Variants in ST6GALNAC3 observed in about 807,000 individuals in gnomAD.
ST6GALNAC3 encodes the protein alpha-N-acetylgalactosaminide alpha-2,6-sialyltransferase 3.
A neutral mutation model predicts 32.7 loss-of-function variants in ST6GALNAC3; 25 were observed. The observed-to-expected ratio is 0.76, with a 90% CI of 0.56 to 1.07. The LOEUF (loss-of-function observed/expected upper bound fraction) is 1.07. Among genes scored for constraint, ST6GALNAC3 ranks in the 50% least tolerant of loss-of-function variants. The pLI is 0.00. For missense variants in ST6GALNAC3, 355 were observed against 382.4 expected (o/e 0.93, Z 0.60); for synonymous variants, 129 against 133.1 (o/e 0.97, Z 0.21).
chr1:76,429,451 T>C (rs1655605125), intron 3 of ST6GALNAC3, among the ~76,000 whole-genome samples: 1 of 152,176 alleles, frequency 6.6e-6, no homozygotes, highest in Non-Finnish European at 1.5e-5. Context: ...ATCTATATCA[T>C]AATATCAAGA....
At chr1:76,515,655 G>T (rs190558262) in intron 3 of ST6GALNAC3, among the ~76,000 whole-genome samples, 1 of 151,930 alleles carries the variant, frequency 6.6e-6, no homozygotes. Flanking sequence ...TTTCCCTTTC[G>T]TCTACTTACC....
chr1:76,259,717 C>T (rs1339771149), intron 1 of ST6GALNAC3, among the ~76,000 whole-genome samples: 3 of 152,110 alleles, frequency 2.0e-5, no homozygotes, highest in Admixed American at 2.0e-4. Context: ...TATATAAATG[C>T]TAGTGCTGAG....
At chr1:76,237,436 A>G (rs954309147) in intron 1 of ST6GALNAC3, among the ~76,000 whole-genome samples, 5 of 152,178 alleles carry the variant, frequency 3.3e-5, no homozygotes, top group Admixed American at 6.5e-5. Flanking sequence ...TCTTTAATGC[A>G]GTGAGAGGAG....
intron 3 of ST6GALNAC3, among the ~76,000 whole-genome samples, chr1:76,526,985 A>C (rs929629709): frequency 1.3e-5 from 2 of 152,126 alleles, no homozygotes; most frequent in African/African-American, 4.8e-5. Context: ...AATGGGTAGA[A>C]AATGAGATAC....
intron 1 of ST6GALNAC3, among the ~76,000 whole-genome samples, chr1:76,155,545 G>A (rs1005048024): frequency 6.6e-6 from 1 of 152,014 alleles, no homozygotes; most frequent in African/African-American, 2.4e-5. Flanking sequence ...TCGGCTCACT[G>A]CAAGCTCCGC....
At chr1:76,614,348 C>G (rs1648135965) in intron 3 of ST6GALNAC3, among the ~76,000 whole-genome samples, 1 of 152,182 alleles carries the variant, frequency 6.6e-6, no homozygotes, top group Non-Finnish European at 1.5e-5. Context: ...AATTCTCAAA[C>G]CTAACTACCA....
chr1:76,399,175 T>C (rs1047503535), intron 2 of ST6GALNAC3, among the ~76,000 whole-genome samples: 50 of 152,322 alleles, frequency 3.3e-4, no homozygotes, highest in Non-Finnish European at 4.3e-4. Flanking sequence ...TAATGTCTTT[T>C]GAGGGATAGT....
chr1:76,215,540 T>C (rs1270779021), intron 1 of ST6GALNAC3, among the ~76,000 whole-genome samples: 2 of 152,174 alleles, frequency 1.3e-5, no homozygotes, highest in African/African-American at 2.4e-5. Context: ...TGGTTTAGGC[T>C]GAGGGAGGTC....
chr1:76,362,682 C>T (rs1650060527), intron 2 of ST6GALNAC3, among the ~76,000 whole-genome samples: 1 of 152,238 alleles, frequency 6.6e-6, no homozygotes, highest in Admixed American at 6.5e-5. Flanking sequence ...CAGGCAAGTC[C>T]TAAACCCAAC....
At chr1:76,326,930 C>A (rs1647085296) in intron 2 of ST6GALNAC3, among the ~76,000 whole-genome samples, 1 of 146,942 alleles carries the variant, frequency 6.8e-6, no homozygotes, top group Non-Finnish European at 1.5e-5. Flanking sequence ...TAGAGCTTAT[C>A]AAACAATAGT....
chr1:76,241,214 T>G (rs925118184), intron 1 of ST6GALNAC3, among the ~76,000 whole-genome samples: 9 of 152,216 alleles, frequency 5.9e-5, no homozygotes, highest in African/African-American at 2.2e-4. Context: ...TTTCTTAGTC[T>G]GTTTTGTGTT....
At chr1:76,542,709 A>G (rs540436783) in intron 3 of ST6GALNAC3, among the ~76,000 whole-genome samples, 1 of 152,304 alleles carries the variant, frequency 6.6e-6, no homozygotes, top group African/African-American at 2.4e-5. Context: ...AATTTTTCCA[A>G]TAATATCCAT....
intron 1 of ST6GALNAC3, among the ~76,000 whole-genome samples, chr1:76,195,458 A>T (rs988403849): frequency 6.6e-6 from 1 of 152,222 alleles, no homozygotes; most frequent in Non-Finnish European, 1.5e-5. Context: ...AATAAAATTA[A>T]TAATTCTTAC....
rs375288894 is a variant in ST6GALNAC3 at position 76,369,189 on chromosome 1, G to A, written c.214-42819G>A. 5.3e-5 allele frequency among the ~76,000 whole-genome samples: 8 copies of A among 152,044 alleles called. No individual in the cohort carries two copies. In the South Asian group the frequency reaches 6.2e-4, roughly 12 times the overall value. The stretch of plus-strand genomic sequence containing the variant: ...TTTGTTACTGGGTCTAAAATGTTGG[G>A]CTCAGTTCTTGGGAAGACTTACTTC... On this transcript the variant is annotated intron_variant, in intron 2 of 4. Coordinates refer to ENST00000328299, the MANE Select transcript of ST6GALNAC3 (RefSeq NM_152996.4).
At position 76,080,034 on chromosome 1, in the gene ST6GALNAC3, A is replaced by G. The variant is rs77299629; in HGVS notation, c.18+5150A>G. Among the ~76,000 whole-genome samples the G allele has an allele frequency of 2.5e-3, 382 of 152,336 alleles. 1 individual carries two copies. The highest frequency in any genetic ancestry group is 7.8e-3 in the African/African-American group (326 of 41,580). ...CTTCCAGTGTTTACTGAGCATCTGT[A>G]ATTGAGTTCTGTTCTTACCCTAAGT... is the stretch of plus-strand genomic sequence containing the variant. On this transcript the variant is annotated intron_variant, in intron 1 of 4. Coordinates refer to ENST00000328299, the MANE Select transcript of ST6GALNAC3 (RefSeq NM_152996.4).
At chr1:76,421,516 C>T (rs1428831307) in intron 3 of ST6GALNAC3, among the ~76,000 whole-genome samples, 1 of 152,004 alleles carries the variant, frequency 6.6e-6, no homozygotes, top group African/African-American at 2.4e-5. Context: ...CAAAGTTATA[C>T]TCTTGGGCTT....
At chr1:76,163,240 A>G (rs569985514) in intron 1 of ST6GALNAC3, among the ~76,000 whole-genome samples, 8 of 152,348 alleles carry the variant, frequency 5.3e-5, no homozygotes, top group Admixed American at 3.3e-4. Context: ...TTGAAGTTTT[A>G]TGTATCTTTC....
At chr1:76,222,219 A>G (rs1655815312) in intron 1 of ST6GALNAC3, among the ~76,000 whole-genome samples, 8 of 152,164 alleles carry the variant, frequency 5.3e-5, no homozygotes, top group Admixed American at 5.2e-4. Flanking sequence ...CAGAATAGTG[A>G]AGCTGGACCC....
chr1:76,510,657 T>C (rs1006200756), intron 3 of ST6GALNAC3, among the ~76,000 whole-genome samples: 1 of 152,204 alleles, frequency 6.6e-6, no homozygotes, highest in African/African-American at 2.4e-5. Flanking sequence ...TATATTTGGA[T>C]AAACCCATTG....
Sources: allele counts gnomAD v4.1 joint callset (sites outside exome capture counted in the v4.1 genomes callset), GRCh38; gene constraint gnomAD v4.1.1; transcripts MANE v1.5; gene names NCBI Gene and HGNC (gene_info 2026-07-23, HGNC 2026-07-21).